The following CMKLR1 variants were observed in gnomAD, a reference collection of about 807,000 sequenced individuals.
The protein encoded by CMKLR1 is chemerin chemokine-like receptor 1, also known as chemerin-like receptor 1.
CMKLR1 carries 6 observed loss-of-function variants against 8.2 expected under a neutral mutation model. The ratio of observed to expected loss-of-function variants is 0.73; its 90% CI spans 0.40 to 1.44. CMKLR1 has a LOEUF of 1.44. CMKLR1 is among the 40% of genes most tolerant of loss of function. CMKLR1 has a pLI of 0.02. For missense variants in CMKLR1, 429 were observed against 478.0 expected (o/e 0.90, Z 0.96); for synonymous variants, 178 against 181.2 (o/e 0.98, Z 0.14).
chr12:108,323,390 G>C (rs1181730633), intron 2 of CMKLR1, among the ~76,000 whole-genome samples: 1 of 151,828 alleles, frequency 6.6e-6, no homozygotes, highest in Non-Finnish European at 1.5e-5. Context: ...TCTGCAGACT[G>C]GTAAAAATGT....
chr12:108,298,851 CCT>C (rs1343797358), intron 2 of CMKLR1, among the ~76,000 whole-genome samples: 1 of 152,228 alleles, frequency 6.6e-6, no homozygotes, highest in Non-Finnish European at 1.5e-5. Context: ...CTCTTATCCC[CCT>C]GAGTCAGAAC....
intron 2 of CMKLR1, among the ~76,000 whole-genome samples, chr12:108,307,901 G>C (rs1891450091): frequency 6.6e-6 from 1 of 152,190 alleles, no homozygotes; most frequent in African/African-American, 2.4e-5. Flanking sequence ...TGGTGAAGGA[G>C]AATAACCTCT....
chr12:108,300,306 G>A (rs1350371917), intron 2 of CMKLR1, among the ~76,000 whole-genome samples: 2 of 151,978 alleles, frequency 1.3e-5, no homozygotes, highest in South Asian at 2.1e-4. Flanking sequence ...ATCACATTGG[G>A]GTCACTTCTG....
chr12:108,329,438 G>A (rs1014889423), intron 2 of CMKLR1, among the ~76,000 whole-genome samples: 1 of 152,192 alleles, frequency 6.6e-6, no homozygotes, highest in Non-Finnish European at 1.5e-5. Context: ...AACCCAGCTC[G>A]AATATATGCT....
chr12:108,320,870 T>C (rs1891845852), intron 2 of CMKLR1, among the ~76,000 whole-genome samples: 1 of 152,228 alleles, frequency 6.6e-6, no homozygotes, highest in Admixed American at 6.5e-5. Context: ...AAAGTGCTTG[T>C]AAACCTGTGA....
intron 1 of CMKLR1, among the ~76,000 whole-genome samples, chr12:108,334,084 G>T (rs546085817): frequency 3.9e-5 from 6 of 152,350 alleles, no homozygotes; most frequent in Non-Finnish European, 8.8e-5. Flanking sequence ...AATGATCTTG[G>T]GAATGTCACG....
intron 2 of CMKLR1, among the ~76,000 whole-genome samples, chr12:108,304,881 G>A (rs1249270688): frequency 6.6e-6 from 1 of 152,224 alleles, no homozygotes; most frequent in Non-Finnish European, 1.5e-5. Flanking sequence ...CAGGCCACAG[G>A]CCAAATGCAG....
At chr12:108,336,268 C>T (rs979779565) in intron 1 of CMKLR1, among the ~76,000 whole-genome samples, 2 of 152,152 alleles carry the variant, frequency 1.3e-5, no homozygotes, top group East Asian at 1.9e-4. Flanking sequence ...CACAATTGGC[C>T]GGGCGCAGTG....
intron 1 of CMKLR1, among the ~76,000 whole-genome samples, chr12:108,334,551 A>C (rs969901377): frequency 6.6e-6 from 1 of 152,222 alleles, no homozygotes; most frequent in African/African-American, 2.4e-5. Context: ...GCCTTGGCCC[A>C]TTCTGGGGAG....
chr12:108,309,812 T>G (rs1891503603), intron 2 of CMKLR1, among the ~76,000 whole-genome samples: 1 of 152,234 alleles, frequency 6.6e-6, no homozygotes, highest in African/African-American at 2.4e-5. Flanking sequence ...GCCATTGAGT[T>G]TGTCCAGGGT....
At chr12:108,302,726 G>A (rs1891310489) in intron 2 of CMKLR1, among the ~76,000 whole-genome samples, 1 of 152,160 alleles carries the variant, frequency 6.6e-6, no homozygotes, top group African/African-American at 2.4e-5. Flanking sequence ...GTGGTACATT[G>A]AGAACATGTC....
At chr12:108,324,665 T>C (rs978705921) in intron 2 of CMKLR1, among the ~76,000 whole-genome samples, 1 of 152,182 alleles carries the variant, frequency 6.6e-6, no homozygotes, top group Admixed American at 6.5e-5. Flanking sequence ...GCCCTCAAAA[T>C]AATTGTATGC....
In CMKLR1 at chr12:108,312,805, G is replaced by A. The variant is rs117895528; in HGVS notation, c.-74+17190C>T. On this transcript the variant is annotated intron_variant, in intron 2 of 3. Coordinates refer to ENST00000550402, the MANE Select transcript of CMKLR1 (RefSeq NM_001142343.2). Reference sequence around the variant, plus strand: ...AGTTGTCCCCACCTGTGCAACTTCCGCACCTTGCACATTCACAATGCTACC... The same window carrying A: ...AGTTGTCCCCACCTGTGCAACTTCCACACCTTGCACATTCACAATGCTACC... Among the ~76,000 whole-genome samples, 363 of 152,148 alleles carry A rather than the reference G, an allele frequency of 2.4e-3. 8 individuals are homozygous for A. The East Asian group carries it at 0.049, about 21-fold the overall frequency.
intron 2 of CMKLR1, among the ~76,000 whole-genome samples, chr12:108,298,263 AATTG>A (rs1328969747): frequency 3.3e-5 from 5 of 152,222 alleles, no homozygotes; most frequent in African/African-American, 1.2e-4. Flanking sequence ...AATAACTAAT[AATTG>A]ATTGGGTGCA....
rs56239824 is a variant in CMKLR1, at chr12:108,335,840, A to G, written c.-287+3187T>C. Reference sequence around the variant, plus strand: ...TAACACCACCTTTATCTGTTTTCAAATTACACTTCCCCATAAGACTTTCAT... The same window carrying G: ...TAACACCACCTTTATCTGTTTTCAAGTTACACTTCCCCATAAGACTTTCAT... On this transcript the variant is annotated intron_variant, in intron 1 of 3. Transcript: ENST00000550402. Among the ~76,000 whole-genome samples, 464 of 152,334 alleles carry G rather than the reference A, an allele frequency of 3.0e-3. 8 individuals are homozygous for G. The highest frequency in any genetic ancestry group is 0.011 in the African/African-American group (449 of 41,574).
At chr12:108,314,129 G>A (rs559372961) in intron 2 of CMKLR1, among the ~76,000 whole-genome samples, 2 of 152,268 alleles carry the variant, frequency 1.3e-5, no homozygotes, top group South Asian at 4.2e-4. Flanking sequence ...AGCTGTGGAT[G>A]GTGGGAGGTT....
At chr12:108,306,426 C>T (rs944677535) in intron 2 of CMKLR1, among the ~76,000 whole-genome samples, 11 of 152,250 alleles carry the variant, frequency 7.2e-5, no homozygotes, top group African/African-American at 2.6e-4. Flanking sequence ...CCTGCCAACA[C>T]TCTGACTCAG....
chr12:108,323,734 G>A (rs182579581), intron 2 of CMKLR1, among the ~76,000 whole-genome samples: 8 of 152,308 alleles, frequency 5.3e-5, no homozygotes, highest in Non-Finnish European at 1.5e-5. Flanking sequence ...AAACAAGCTT[G>A]GCTGGAGAAA....
At chr12:108,326,888 C>T (rs1891992615) in intron 2 of CMKLR1, among the ~76,000 whole-genome samples, 1 of 152,214 alleles carries the variant, frequency 6.6e-6, no homozygotes, top group Non-Finnish European at 1.5e-5. Context: ...CTACTAAGCA[C>T]TGGTCCCACT....
Sources: allele counts gnomAD v4.1 joint callset (sites outside exome capture counted in the v4.1 genomes callset), GRCh38; gene constraint gnomAD v4.1.1; transcripts MANE v1.5; gene names NCBI Gene and HGNC (gene_info 2026-07-23, HGNC 2026-07-21).